Variants in PRR16 observed in about 807,000 individuals in gnomAD.
The protein encoded by PRR16 is proline rich 16, also known as protein Largen.
A neutral mutation model predicts 18.2 loss-of-function variants in PRR16; 6 were observed. The ratio of observed to expected loss-of-function variants is 0.33; its 90% CI spans 0.18 to 0.65. The LOEUF is 0.65. PRR16 is among the 30% of genes least tolerant of loss of function. The pLI is 0.74. For missense variants in PRR16, 412 were observed against 376.6 expected (o/e 1.09, Z -0.78); for synonymous variants, 151 against 147.8 (o/e 1.02, Z -0.16).
chr5:120,574,970 G>A (rs1753025840), intron 1 of PRR16, among the ~76,000 whole-genome samples: 2 of 148,648 alleles, frequency 1.3e-5, no homozygotes, highest in Non-Finnish European at 2.9e-5. Flanking sequence ...GGTCATCCAT[G>A]GTCTAGAAAT....
intron 1 of PRR16, among the ~76,000 whole-genome samples, chr5:120,676,102 G>A (rs780732785): frequency 1.3e-5 from 2 of 152,116 alleles, no homozygotes; most frequent in Admixed American, 1.3e-4. Context: ...ATGTGCCTCT[G>A]TGTGGGTGTG....
chr5:120,771,913 T>C, the PRR16 span, among the ~76,000 whole-genome samples: 1 of 151,942 alleles, frequency 6.6e-6, no homozygotes, highest in Non-Finnish European at 1.5e-5. Flanking sequence ...AAAATATGCA[T>C]TGAAAATTAG....
intron 1 of PRR16, among the ~76,000 whole-genome samples, chr5:120,655,733 T>TTG (rs1554092417): frequency 2.0e-4 from 30 of 148,298 alleles, no homozygotes; most frequent in African/African-American, 7.1e-4. Context: ...GACTTTTTTT[T>TTG]TTTGTTTTTT....
chr5:120,483,292 G>A (rs1440511877), intron 1 of PRR16, among the ~76,000 whole-genome samples: 1 of 152,102 alleles, frequency 6.6e-6, no homozygotes, highest in Non-Finnish European at 1.5e-5. Context: ...CAAGTGAAAT[G>A]CAAGAGAAAT....
At chr5:120,609,559 A>C (rs1754267772) in intron 1 of PRR16, among the ~76,000 whole-genome samples, 1 of 152,208 alleles carries the variant, frequency 6.6e-6, no homozygotes, top group Admixed American at 6.5e-5. Flanking sequence ...GACAATGAAA[A>C]GTTTCTCAGT....
intron 1 of PRR16, among the ~76,000 whole-genome samples, chr5:120,586,660 C>G (rs1463907808): frequency 6.6e-6 from 1 of 152,066 alleles, no homozygotes; most frequent in Non-Finnish European, 1.5e-5. Flanking sequence ...AGACTTCCAA[C>G]TAATTGAGAA....
At chr5:120,583,375 G>C (rs150356943) in intron 1 of PRR16, among the ~76,000 whole-genome samples, 26 of 151,914 alleles carry the variant, frequency 1.7e-4, no homozygotes, top group African/African-American at 5.3e-4. Context: ...ACCATGCTTG[G>C]AGAATATAAC....
the PRR16 span, among the ~76,000 whole-genome samples, chr5:120,755,084 A>C: frequency 6.6e-6 from 1 of 151,706 alleles, no homozygotes; most frequent in Admixed American, 6.6e-5. Flanking sequence ...AGATATACCT[A>C]ATGCTTAATG....
intron 1 of PRR16, among the ~76,000 whole-genome samples, chr5:120,639,671 A>G (rs1291332808): frequency 6.6e-6 from 1 of 151,900 alleles, no homozygotes; most frequent in Non-Finnish European, 1.5e-5. Context: ...GAAAAAAGGG[A>G]ACACCTCTAC....
chr5:120,789,424 A>C, the PRR16 span, among the ~76,000 whole-genome samples: 9 of 152,262 alleles, frequency 5.9e-5, no homozygotes, highest in South Asian at 1.9e-3. Flanking sequence ...ATATTCCTAA[A>C]GTGAAGGAAG....
At chr5:120,743,832 ACTTTATT>A in the PRR16 span, among the ~76,000 whole-genome samples, 2 of 151,652 alleles carry the variant, frequency 1.3e-5, no homozygotes, top group Non-Finnish European at 2.9e-5. Context: ...TGCTTTAATC[ACTTTATT>A]TTATCCTTTG....
Position 120,687,084 on chromosome 5 carries a change from C to T in PRR16, c.*375C>T, listed in dbSNP as rs1012515101. On this transcript the variant is annotated 3_prime_UTR_variant, in exon 2 of 2. Coordinates refer to ENST00000407149, the MANE Select transcript of PRR16 (RefSeq NM_001300783.2). ...AACATGTCATATTCTTAACTTTGAT[C>T]TAATGCTTTTTACTAGGAAATTTTA... 30 of 158,102 alleles carry T rather than the reference C, an allele frequency of 1.9e-4. No individual in the cohort carries two copies. Among genetic ancestry groups the T allele is most frequent in the Non-Finnish European group, 3.9e-4 (28 of 72,064 alleles). The allele number at this position is 158,102 out of a possible 1,614,324, so 9.8% of individuals were successfully genotyped here.
chr5:120,528,622 G>A (rs1460497701), intron 1 of PRR16, among the ~76,000 whole-genome samples: 2 of 152,130 alleles, frequency 1.3e-5, no homozygotes, highest in East Asian at 1.9e-4. Flanking sequence ...TGCAGAATGG[G>A]GAAGGATGGG....
intron 1 of PRR16, among the ~76,000 whole-genome samples, chr5:120,643,990 G>A (rs1340100861): frequency 6.6e-6 from 1 of 152,112 alleles, no homozygotes; most frequent in African/African-American, 2.4e-5. Context: ...GGGTGACAGA[G>A]CAAGACTTTG....
the PRR16 span, among the ~76,000 whole-genome samples, chr5:120,707,964 ATTAG>A: frequency 7.2e-5 from 11 of 152,212 alleles, no homozygotes; most frequent in Non-Finnish European, 1.3e-4. Context: ...CTTCATCTCA[ATTAG>A]TTACTGTTTG....
chr5:120,653,793 G>C (rs1755873322), intron 1 of PRR16, among the ~76,000 whole-genome samples: 2 of 152,032 alleles, frequency 1.3e-5, no homozygotes, highest in South Asian at 4.2e-4. Flanking sequence ...TACACCTCAT[G>C]TTTATGTGCC....
At chr5:120,771,170 A>G in the PRR16 span, among the ~76,000 whole-genome samples, 1 of 152,118 alleles carries the variant, frequency 6.6e-6, no homozygotes, top group African/African-American at 2.4e-5. Flanking sequence ...CTGATAATAC[A>G]TGAACCATCT....
At chr5:120,480,535 C>T (rs1749577414) in intron 1 of PRR16, among the ~76,000 whole-genome samples, 1 of 152,132 alleles carries the variant, frequency 6.6e-6, no homozygotes, top group African/African-American at 2.4e-5. Flanking sequence ...ACTTAGTATA[C>T]TGACAATGTA....
intron 1 of PRR16, among the ~76,000 whole-genome samples, chr5:120,565,770 A>G (rs1166275136): frequency 1.3e-5 from 2 of 152,232 alleles, no homozygotes; most frequent in Non-Finnish European, 2.9e-5. Context: ...TATCTTCTTC[A>G]AAATGAATAC....
Sources: gnomAD v4.1 joint callset for allele counts (sites outside exome capture counted in the v4.1 genomes callset) on GRCh38, gnomAD v4.1.1 for gene constraint, MANE v1.5 for transcripts, NCBI Gene and HGNC (gene_info 2026-07-23, HGNC 2026-07-21) for gene names.